FAM222B: variants seen among roughly 807,000 people sequenced by gnomAD.
FAM222B encodes the protein protein FAM222B.
Under a neutral mutation model 38.0 loss-of-function variants are expected in FAM222B, and 12 were observed. The ratio of observed to expected loss-of-function variants is 0.32; its 90% CI spans 0.20 to 0.51. The LOEUF is 0.51. Ranked by LOEUF, FAM222B falls within the 20% of genes least tolerant of loss-of-function variation. The pLI is 0.97. For synonymous variants in FAM222B, 329 were observed against 317.2 expected, an observed-to-expected ratio of 1.04 and a Z score of -0.40; for missense variants, 716 against 754.2, an observed-to-expected ratio of 0.95 and a Z score of 0.59.
intron 1 of FAM222B, among the ~76,000 whole-genome samples, chr17:28,835,063 T>TGTGTGTGTGA (rs1555590031): frequency 2.3e-5 from 3 of 132,132 alleles, no homozygotes; most frequent in Non-Finnish European, 5.0e-5. Context: ...TGTGTGTGTG[T>TGTGTGTGTGA]GTGATGGAGT....
rs771090558 is a variant in FAM222B, at chr17:28,759,620, G to A, written c.339C>T (p.Leu113=). 9 of 1,612,812 alleles carry A rather than the reference G, an allele frequency of 5.6e-6. No homozygotes were observed. In the East Asian group the frequency reaches 1.8e-4, roughly 32 times the overall value. ...GGGCTCGGGTGCCGTCAAAGTCCTT[G>A]AGTATGCTTTTGGCTGGCACTTTGA... ...AIVKVPAKSI[L]KDFDGTRARL... is the part of the protein sequence containing the mutation. The change falls in exon 3 of 3, where the codon CTC becomes CTT. Residue 113 remains leucine (L), a synonymous_variant. Transcript: ENST00000581407. The surrounding 1 kb of genome is among the most constrained non-coding windows in gnomAD (Gnocchi z 4.8).
chr17:28,820,950 C>CTTTTTTTTTTTTTTTTTTTTTTT (rs1456864304), intron 1 of FAM222B, among the ~76,000 whole-genome samples: 3 of 144,306 alleles, frequency 2.1e-5, no homozygotes, highest in South Asian at 2.3e-4. Flanking sequence ...TGGTAAAACT[C>CTTTTTTTTTTTTTTTTTTTTTTT]TTTTTATTTT....
intron 1 of FAM222B, among the ~76,000 whole-genome samples, chr17:28,811,934 G>C (rs1035157787): frequency 7.9e-5 from 12 of 151,934 alleles, no homozygotes; most frequent in African/African-American, 2.9e-4. Context: ...TACTGCATCA[G>C]ATACCACACA....
chr17:28,841,060 C>T (rs968426156), intron 1 of FAM222B, among the ~76,000 whole-genome samples: 3 of 152,088 alleles, frequency 2.0e-5, no homozygotes, highest in African/African-American at 7.2e-5. Flanking sequence ...TTTGAGAGGC[C>T]GAGGTGGGTG....
At chr17:28,803,071 C>T (rs1384598851) in intron 1 of FAM222B, among the ~76,000 whole-genome samples, 2 of 151,822 alleles carry the variant, frequency 1.3e-5, no homozygotes, top group Non-Finnish European at 2.9e-5. Context: ...TACAGTGGTG[C>T]AATCTCGGCT....
At chr17:28,850,719 TTCTG>T (rs1479862569) in intron 1 of FAM222B, among the ~76,000 whole-genome samples, 2 of 152,162 alleles carry the variant, frequency 1.3e-5, no homozygotes, top group African/African-American at 2.4e-5. Context: ...GCCTATTTTC[TTCTG>T]TCTGTCGGTT....
At chr17:28,826,681 CAAAAA>C (rs58793747) in intron 1 of FAM222B, among the ~76,000 whole-genome samples, 1 of 85,004 alleles carries the variant, frequency 1.2e-5, no homozygotes, top group Non-Finnish European at 2.5e-5. Context: ...AACTCCGTCT[CAAAAA>C]AAAAAAAAAA....
At chr17:28,816,807 G>C (rs1359256577) in intron 1 of FAM222B, among the ~76,000 whole-genome samples, 1 of 152,022 alleles carries the variant, frequency 6.6e-6, no homozygotes, top group East Asian at 1.9e-4. Context: ...GAGAACAGTA[G>C]GCCTGAGAAA....
chr17:28,758,928 T>C lies in FAM222B; in HGVS notation c.1031A>G (p.Asn344Ser), dbSNP rs1445282395. Residue 344 changes from asparagine to serine, a missense_variant, in exon 3 of 3, where the codon AAC becomes AGC. By Grantham distance (46) the Asn-to-Ser change is conservative (BLOSUM62 1). Coordinates refer to ENST00000581407, the MANE Select transcript of FAM222B (RefSeq NM_001077498.3). ...TAALPAAGPV[N>S]LPTGISRVPT... ...GACGCGAGAGATGCCTGTGGGCAGG[T>C]TGACAGGACCTGCAGCAGGCAACGC... 2 of 1,609,810 alleles carry C rather than the reference T, an allele frequency of 1.2e-6. No individual in the cohort carries two copies. Among genetic ancestry groups the C allele is most frequent in the East Asian group, 2.2e-5 (1 of 44,732 alleles).
chr17:28,815,149 C>T (rs943196854), intron 1 of FAM222B, among the ~76,000 whole-genome samples: 8 of 151,664 alleles, frequency 5.3e-5, no homozygotes, highest in Admixed American at 2.0e-4. Flanking sequence ...ACCAATCCGT[C>T]AACAGTAGTT....
rs2034767562 is a variant in FAM222B at position 28,757,614 on chromosome 17, T to C, written c.*656A>G. 1 of 152,138 alleles carries C rather than the reference T, an allele frequency of 6.6e-6. No homozygotes were observed. The highest frequency in any genetic ancestry group is 1.5e-5 in the Non-Finnish European group (1 of 68,026). 9.4% of individuals were successfully genotyped at this position (152,138 alleles called of 1,614,324 possible). On this transcript the variant is annotated 3_prime_UTR_variant, in exon 3 of 3. Transcript: ENST00000581407. ...ACCAAGATGCCAATACAAAGACTTTTTCCCCCCATATCTCAAGAAATGGTC... is the reference window on the plus strand; with the variant it reads ...ACCAAGATGCCAATACAAAGACTTTCTCCCCCCATATCTCAAGAAATGGTC...
intron 1 of FAM222B, among the ~76,000 whole-genome samples, chr17:28,767,626 C>A (rs997576209): frequency 6.6e-6 from 1 of 151,394 alleles, no homozygotes; most frequent in African/African-American, 2.4e-5. Flanking sequence ...CAGGCGCATG[C>A]CGCCATGCCC....
intron 1 of FAM222B, among the ~76,000 whole-genome samples, chr17:28,771,013 C>A (rs1295507774): frequency 1.5e-5 from 2 of 137,694 alleles, no homozygotes; most frequent in Non-Finnish European, 3.1e-5. Context: ...TATATTTTTT[C>A]TTTTTTTTTT....
At chr17:28,781,455 T>G (rs2036165555) in intron 1 of FAM222B, among the ~76,000 whole-genome samples, 1 of 152,102 alleles carries the variant, frequency 6.6e-6, no homozygotes, top group Non-Finnish European at 1.5e-5. Context: ...TTAGCACAGC[T>G]ATTAGGAAAA....
At chr17:28,819,371 G>C (rs4795463) in intron 1 of FAM222B, among the ~76,000 whole-genome samples, 28,719 of 152,090 alleles carry the variant, frequency 0.19, 2,850 homozygotes, top group South Asian at 0.3. Context: ...ATATGAGATA[G>C]TAAATCACAG....
At chr17:28,776,452 CTTTTT>C (rs397857136) in intron 1 of FAM222B, among the ~76,000 whole-genome samples, 3 of 90,974 alleles carry the variant, frequency 3.3e-5, no homozygotes, top group African/African-American at 9.4e-5. Context: ...CCTAAAAAGA[CTTTTT>C]TTTTTTTTTT....
intron 1 of FAM222B, among the ~76,000 whole-genome samples, chr17:28,851,318 A>G (rs1219355107): frequency 1.3e-5 from 2 of 151,380 alleles, no homozygotes; most frequent in Non-Finnish European, 2.9e-5. Context: ...GGATCACCTG[A>G]GGTCAGGAGT....
intron 1 of FAM222B, chr17:28,834,832 A>G (rs922574109): frequency 6.0e-5 from 9 of 150,718 alleles, no homozygotes; most frequent in Admixed American, 5.4e-4. Context: ...AAAAAAAAGA[A>G]AAAAAGAAAA....
upstream of FAM222B, among the ~76,000 whole-genome samples, chr17:28,843,275 T>C (rs562753188): frequency 1.0e-3 from 152 of 150,212 alleles, 1 homozygote; most frequent in African/African-American, 3.5e-3. Flanking sequence ...GTAGCTGGGA[T>C]TACAGGCATG....
Sources: gnomAD v4.1 joint callset for allele counts (sites outside exome capture counted in the v4.1 genomes callset) on GRCh38, gnomAD v4.1.1 for gene constraint, Gnocchi (gnomAD v3.1) non-coding constraint, MANE v1.5 for transcripts, NCBI Gene and HGNC (gene_info 2026-07-23, HGNC 2026-07-21) for gene names.